Variants in BRAF observed in about 807,000 individuals in gnomAD.
BRAF encodes serine/threonine-protein kinase B-raf.
BRAF carries 16 observed loss-of-function variants against 104.6 expected under a neutral mutation model. That is an observed-to-expected ratio of 0.15 (90% CI 0.10 to 0.23). The LOEUF is 0.23. Among genes scored for constraint, BRAF ranks in the 10% least tolerant of loss-of-function variants. The pLI is 1.00. For synonymous variants in BRAF, 310 were observed against 341.6 expected, an observed-to-expected ratio of 0.91 and a Z score of 1.02; for missense variants, 541 against 937.3, an observed-to-expected ratio of 0.58 and a Z score of 5.52.
At chr7:140,729,245 T>TAC (rs574079438) in intron 19 of BRAF, among the ~76,000 whole-genome samples, 8 of 151,240 alleles carry the variant, frequency 5.3e-5, no homozygotes, top group South Asian at 2.1e-4. Flanking sequence ...CAAAACAAAA[T>TAC]ACACACACAC....
At chr7:140,812,029 T>C (rs1179915855) in intron 3 of BRAF, among the ~76,000 whole-genome samples, 1 of 152,206 alleles carries the variant, frequency 6.6e-6, no homozygotes, top group South Asian at 2.1e-4. Flanking sequence ...CCACATCCAA[T>C]GTATCCTATC....
Position 140,723,211 on chromosome 7 carries a change from C to T in BRAF, c.*3283G>A, listed in dbSNP as rs192166945. On this transcript the variant is annotated 3_prime_UTR_variant, in exon 20 of 20. Coordinates refer to ENST00000644969, the MANE Select transcript of BRAF (RefSeq NM_001374258.1). ...GATCTGAGGAGGATGTGCAGCAGCT[C>T]GCACTCCGCCTGGTGAATACAAGGT... 244 of 1,054,000 alleles carry T rather than the reference C, an allele frequency of 2.3e-4. No homozygotes were observed. In the East Asian group the frequency reaches 7.6e-3, roughly 33 times the overall value. The allele number at this position is 1,054,000 out of a possible 1,614,324, so 65.3% of individuals were successfully genotyped here.
intron 2 of BRAF, among the ~76,000 whole-genome samples, chr7:140,838,440 G>A (rs954109834): frequency 1.1e-4 from 16 of 152,038 alleles, no homozygotes; most frequent in Non-Finnish European, 2.2e-4. Flanking sequence ...TTGAGATCAC[G>A]CCACTGCACT....
chr7:140,850,263 T>C (rs538092635), intron 1 of BRAF, 51 bp from the exon 2 acceptor site: 3 of 1,381,054 alleles, frequency 2.2e-6, no homozygotes, highest in East Asian at 2.4e-5. Context: ...GTATATGAAT[T>C]AGAAATATTT....
intron 5 of BRAF, among the ~76,000 whole-genome samples, chr7:140,807,500 A>C (rs998513348): frequency 2.0e-5 from 3 of 152,122 alleles, no homozygotes; most frequent in South Asian, 2.1e-4. Flanking sequence ...AGAATATCAC[A>C]TAGCATGGCT....
the BRAF span, among the ~76,000 whole-genome samples, chr7:140,713,507 T>G: frequency 0.012 from 1,826 of 152,254 alleles, 46 homozygotes; most frequent in African/African-American, 0.042. Context: ...TAGTTATCCA[T>G]TCATCTAATT....
intron 1 of BRAF, among the ~76,000 whole-genome samples, chr7:140,906,087 C>CAAAAAAAAAAAAAA (rs61150735): frequency 4.9e-4 from 22 of 44,700 alleles, no homozygotes; most frequent in African/African-American, 1.4e-3. Context: ...GACTCCGTCT[C>CAAAAAAAAAAAAAA]AAAAAAAAAA....
chr7:140,792,834 G>T (rs1250185866), intron 8 of BRAF, among the ~76,000 whole-genome samples: 1 of 152,144 alleles, frequency 6.6e-6, no homozygotes, highest in Admixed American at 6.6e-5. Flanking sequence ...GCTTGAACAT[G>T]AATAAAAATG....
chr7:140,766,959 C>T (rs560820800), intron 14 of BRAF, among the ~76,000 whole-genome samples: 2 of 152,198 alleles, frequency 1.3e-5, no homozygotes, highest in Non-Finnish European at 2.9e-5. Flanking sequence ...TCCCAAAGGG[C>T]TGGGATTACA....
chr7:140,765,339 A>C (rs1318664430), intron 14 of BRAF, among the ~76,000 whole-genome samples: 2 of 151,820 alleles, frequency 1.3e-5, no homozygotes, highest in Admixed American at 1.3e-4. Flanking sequence ...CTAAAACCAT[A>C]AAAACCCTAG....
intron 1 of BRAF, among the ~76,000 whole-genome samples, chr7:140,908,135 G>A (rs1332250437): frequency 6.6e-6 from 1 of 152,076 alleles, no homozygotes; most frequent in Non-Finnish European, 1.5e-5. Context: ...TCTGATATTT[G>A]CAACATTTGA....
At chr7:140,895,620 T>C (rs1288289483) in intron 1 of BRAF, among the ~76,000 whole-genome samples, 5 of 152,222 alleles carry the variant, frequency 3.3e-5, no homozygotes, top group Non-Finnish European at 5.9e-5. Flanking sequence ...TCTGTTATAC[T>C]TTTTACTTCT....
Position 140,724,080 on chromosome 7 carries a change from G to C in BRAF, c.*2414C>G, listed in dbSNP as rs921184466. The C allele has an allele frequency of 1.1e-5, 12 of 1,048,352 alleles. No individual in the cohort carries two copies. The highest frequency in any genetic ancestry group is 1.4e-5 in the Non-Finnish European group (12 of 868,734). The allele number at this position is 1,048,352 out of a possible 1,614,324, so 64.9% of individuals were successfully genotyped here. ...TGGGCACAGCTTCATTTGAGATCAA[G>C]TCTGCTCCCCCGTTCAAATGAGATA... On this transcript the variant is annotated 3_prime_UTR_variant, in exon 20 of 20. Coordinates refer to ENST00000644969, the MANE Select transcript of BRAF (RefSeq NM_001374258.1).
intron 10 of BRAF, among the ~76,000 whole-genome samples, chr7:140,783,836 C>T (rs1260935957): frequency 6.6e-6 from 1 of 152,212 alleles, no homozygotes; most frequent in East Asian, 1.9e-4. Context: ...TCTGAAAAAT[C>T]TCTGCCTTTG....
chr7:140,749,103 TTC>T (rs1797580928), intron 17 of BRAF, 182 bp downstream of exon 16: 3 of 633,146 alleles, frequency 4.7e-6, no homozygotes, highest in Non-Finnish European at 7.9e-6. Context: ...ATGACTGATA[TTC>T]TGAGGAAAGG....
chr7:140,919,928 G>A (rs1201101612), intron 1 of BRAF, among the ~76,000 whole-genome samples: 1 of 151,692 alleles, frequency 6.6e-6, no homozygotes, highest in Non-Finnish European at 1.5e-5. Flanking sequence ...CTGCAGCCTC[G>A]AACTTCAGGG....
rs186378203 is a variant in BRAF at position 140,864,192 on chromosome 7, C to T, written c.139-13980G>A. On this transcript the variant is annotated intron_variant, in intron 1 of 19. Transcript: ENST00000644969. ...GTTAAGCAAGAGATGATTGCTTGGG[C>T]CAAGAGTGAATGCAGGGAGGAAGAC... Among the ~76,000 whole-genome samples the T allele has an allele frequency of 3.4e-4, 52 of 152,070 alleles. 1 individual carries two copies. Among genetic ancestry groups the T allele is most frequent in the Admixed American group, 3.4e-3 (52 of 15,276 alleles).
intron 1 of BRAF, among the ~76,000 whole-genome samples, chr7:140,868,011 T>C (rs1200105259): frequency 6.6e-6 from 1 of 152,216 alleles, no homozygotes; most frequent in Non-Finnish European, 1.5e-5. Flanking sequence ...CACCTGTGCC[T>C]TTCTATGAGA....
intron 2 of BRAF, among the ~76,000 whole-genome samples, chr7:140,837,479 C>T (rs1807468319): frequency 6.6e-6 from 1 of 152,170 alleles, no homozygotes; most frequent in African/African-American, 2.4e-5. Flanking sequence ...TACAACAATG[C>T]CATTGGTGAT....
Sources: allele counts gnomAD v4.1 joint callset (sites outside exome capture counted in the v4.1 genomes callset), GRCh38; gene constraint gnomAD v4.1.1; transcripts MANE v1.5; gene names NCBI Gene and HGNC (gene_info 2026-07-23, HGNC 2026-07-21).